The following TTLL11 variants were observed in gnomAD, a reference collection of about 807,000 sequenced individuals.
TTLL11 encodes the protein tubulin tyrosine ligase like 11.
A neutral mutation model predicts 51.7 loss-of-function variants in TTLL11; 42 were observed. The ratio of observed to expected loss-of-function variants is 0.81; its 90% confidence interval spans 0.64 to 1.05. TTLL11 has a LOEUF of 1.05. Among genes scored for constraint, TTLL11 ranks in the 50% least tolerant of loss-of-function variants. The pLI is 0.00. For synonymous variants in TTLL11, 381 were observed against 383.5 expected (o/e 0.99, Z 0.08); for missense variants, 799 against 940.4 (o/e 0.85, Z 1.97).
At chr9:121,912,248 C>T (rs10985447) in intron 6 of TTLL11, among the ~76,000 whole-genome samples, 80,924 of 152,088 alleles carry the variant, frequency 0.53, 25,495 homozygotes, top group Non-Finnish European at 0.7. Context: ...TTGGAAGAGA[C>T]GCCTTCTGGT....
chr9:122,081,240 A>G (rs1845998022), intron 1 of TTLL11, among the ~76,000 whole-genome samples: 1 of 152,244 alleles, frequency 6.6e-6, no homozygotes, highest in South Asian at 2.1e-4. Flanking sequence ...AATACGGTCC[A>G]CTAGAACAAG....
rs181018208 is a variant in TTLL11, at chr9:121,873,144, C to T, written c.1482-2396G>A. Among the ~76,000 whole-genome samples, 119 of 152,252 alleles carry T rather than the reference C, an allele frequency of 7.8e-4. 1 individual carries two copies. The highest frequency in any genetic ancestry group is 2.7e-3 in the African/African-American group (114 of 41,546). ...ACAGTTGGAATACACTCAATAACAA[C>T]GAAAATAGCTCAGAGGACTCCTCAG... On this transcript the variant is annotated intron_variant, in intron 6 of 8. Transcript: ENST00000321582.
rs534115888 is a variant in TTLL11, at chr9:121,913,374, T to G, written c.1482-42626A>C. On this transcript the variant is annotated intron_variant, in intron 6 of 8. Transcript: ENST00000321582. ...AAGAAGACCAGGAGGCAAAGTTAAA[T>G]TACATAGTACATCACTGTCCCCAGC... Among the ~76,000 whole-genome samples the G allele has an allele frequency of 2.8e-4, 43 of 152,322 alleles. No homozygotes were observed. The Middle Eastern group carries it at 0.014, about 48-fold the overall frequency.
intron 6 of TTLL11, among the ~76,000 whole-genome samples, chr9:121,878,221 C>A (rs902963428): frequency 5.9e-5 from 9 of 152,164 alleles, no homozygotes; most frequent in Non-Finnish European, 1.5e-5. Context: ...ACGCCTAGCA[C>A]AAAACGGCCA....
At chr9:121,978,349 A>C (rs1842760069) in intron 4 of TTLL11, among the ~76,000 whole-genome samples, 1 of 152,198 alleles carries the variant, frequency 6.6e-6, no homozygotes. Context: ...GTGGTTTTCA[A>C]ACCGGGGTTC....
chr9:122,017,826 G>A (rs575580485), intron 3 of TTLL11, among the ~76,000 whole-genome samples: 35 of 152,194 alleles, frequency 2.3e-4, no homozygotes, highest in South Asian at 4.1e-4. Flanking sequence ...GATGTCCTAC[G>A]CACATTCAAT....
At chr9:121,838,785 C>CAAGA (rs762270193) in intron 8 of TTLL11, among the ~76,000 whole-genome samples, 1 of 132,346 alleles carries the variant, frequency 7.6e-6, no homozygotes, top group African/African-American at 3.5e-5. Context: ...AGCAAGAAAG[C>CAAGA]AAGCAAGCAA....
rs12004047 is a variant in TTLL11 at position 122,020,248 on chromosome 9, T to C, written c.693+11475A>G. ...GTAGAATGCTCTTCTGTGGCTGGTC[T>C]GCCAGGTAAACTCATTATACAAAAT... On this transcript the variant is annotated intron_variant, in intron 3 of 8. Coordinates refer to ENST00000321582, the MANE Select transcript of TTLL11 (RefSeq NM_001139442.2). Among the ~76,000 whole-genome samples, 244 of 152,348 alleles carry C rather than the reference T, an allele frequency of 1.6e-3. 2 individuals are homozygous for C. The highest frequency in any genetic ancestry group is 5.6e-3 in the African/African-American group (234 of 41,564).
At chr9:122,026,487 CGAG>C (rs1844346392) in intron 3 of TTLL11, among the ~76,000 whole-genome samples, 1 of 150,108 alleles carries the variant, frequency 6.7e-6, no homozygotes, top group Admixed American at 6.6e-5. Flanking sequence ...CAAAGGGACA[CGAG>C]GAAAAATTTC....
chr9:121,937,677 T>C (rs923783435), intron 6 of TTLL11, among the ~76,000 whole-genome samples: 3 of 151,160 alleles, frequency 2.0e-5, no homozygotes, highest in African/African-American at 4.9e-5. Context: ...TGAAAAGTAT[T>C]AAGAGATGTC....
chr9:122,079,018 A>G (rs1165706346), intron 1 of TTLL11, among the ~76,000 whole-genome samples: 1 of 152,184 alleles, frequency 6.6e-6, no homozygotes, highest in Non-Finnish European at 1.5e-5. Flanking sequence ...CTTTCTGGCT[A>G]TTGTGAATAA....
At chr9:121,872,069 C>A (rs1257180741) in intron 6 of TTLL11, among the ~76,000 whole-genome samples, 1 of 152,248 alleles carries the variant, frequency 6.6e-6, no homozygotes, top group East Asian at 1.9e-4. Context: ...TCTCGTGGTA[C>A]TGAGACGTGC....
intron 6 of TTLL11, among the ~76,000 whole-genome samples, chr9:121,900,105 C>T (rs755145542): frequency 3.3e-5 from 5 of 152,232 alleles, no homozygotes; most frequent in Non-Finnish European, 5.9e-5. Flanking sequence ...ACACTCTCCA[C>T]ATCACACAAG....
At chr9:122,011,425 C>T (rs372427576) in intron 3 of TTLL11, among the ~76,000 whole-genome samples, 1 of 151,932 alleles carries the variant, frequency 6.6e-6, no homozygotes, top group African/African-American at 2.4e-5. Context: ...AATGTATTCA[C>T]GATTATAGCC....
chr9:121,965,974 A>C (rs1404561482), intron 6 of TTLL11, among the ~76,000 whole-genome samples: 1 of 152,234 alleles, frequency 6.6e-6, no homozygotes, highest in African/African-American at 2.4e-5. Flanking sequence ...GATTCTACAT[A>C]GAATCTACCG....
At chr9:121,942,738 A>ATTTTTTTTTTTTTTTTTTTTTT (rs34352222) in intron 6 of TTLL11, among the ~76,000 whole-genome samples, 1 of 97,906 alleles carries the variant, frequency 1.0e-5, no homozygotes, top group Non-Finnish European at 2.1e-5. Context: ...AATCTGTCTT[A>ATTTTTTTTTTTTTTTTTTTTTT]TTTTTTTTTT....
intron 8 of TTLL11, among the ~76,000 whole-genome samples, chr9:121,859,459 C>T (rs1368584071): frequency 6.6e-6 from 1 of 152,116 alleles, no homozygotes; most frequent in African/African-American, 2.4e-5. Context: ...TGAGATCGTG[C>T]CACTGCAACC....
At chr9:121,996,741 C>T (rs373627372) in intron 3 of TTLL11, among the ~76,000 whole-genome samples, 19 of 152,246 alleles carry the variant, frequency 1.2e-4, no homozygotes, top group South Asian at 4.1e-4. Context: ...AGAAATCTTT[C>T]AGAAGAAACC....
intron 8 of TTLL11, among the ~76,000 whole-genome samples, chr9:121,823,791 T>G (rs1465854792): frequency 6.6e-6 from 1 of 152,178 alleles, no homozygotes; most frequent in Admixed American, 6.5e-5. Flanking sequence ...CAAACCATAT[T>G]CTGGAAAGAA....
Sources: allele counts gnomAD v4.1 joint callset (sites outside exome capture counted in the v4.1 genomes callset), GRCh38; gene constraint gnomAD v4.1.1; transcripts MANE v1.5; gene names NCBI Gene and HGNC (gene_info 2026-07-23, HGNC 2026-07-21).